The following NID1 variants were observed in gnomAD, a reference collection of about 807,000 sequenced individuals.
NID1 encodes the protein nidogen 1, also known as nidogen-1.
Under a neutral mutation model 130.6 loss-of-function variants are expected in NID1, and 76 were observed. That is an observed-to-expected ratio of 0.58 (90% CI 0.48 to 0.70). The LOEUF is 0.70. Among genes scored for constraint, NID1 ranks in the 30% least tolerant of loss-of-function variants. The pLI, the probability that NID1 is intolerant of heterozygous loss-of-function variation, is 0.00. For missense variants in NID1, 1,517 were observed against 1,664.8 expected, an observed-to-expected ratio of 0.91 and a Z score of 1.54; for synonymous variants, 665 against 675.1, an observed-to-expected ratio of 0.98 and a Z score of 0.23.
At chr1:236,021,059 C>A (rs1344226553) in intron 9 of NID1, among the ~76,000 whole-genome samples, 1 of 152,212 alleles carries the variant, frequency 6.6e-6, no homozygotes, top group Non-Finnish European at 1.5e-5. Context: ...TACTTCTGCA[C>A]CTTATTACTA....
intron 4 of NID1, among the ~76,000 whole-genome samples, chr1:236,041,283 G>T (rs1017488609): frequency 2.0e-5 from 3 of 151,026 alleles, no homozygotes; most frequent in Non-Finnish European, 4.4e-5. Context: ...GGCCAGGATG[G>T]TCTCAATCTC....
chr1:236,049,057 C>A (rs1659693357), intron 1 of NID1, 68 bp from the exon 2 acceptor site: 2 of 1,483,808 alleles, frequency 1.3e-6, no homozygotes, highest in Admixed American at 1.9e-5. Context: ...ACTGAGCACC[C>A]ACTCCTAGAA....
chr1:235,980,640 T>C lies in NID1; in HGVS notation c.3241A>G (p.Thr1081Ala). 1.2e-6 allele frequency: 2 copies of C among 1,613,804 alleles called. No individual in the cohort carries two copies. Among genetic ancestry groups the C allele is most frequent in the Non-Finnish European group, 1.7e-6 (2 of 1,179,866 alleles). ...TTGGGGTTATCTCTGTTCCAGTCTG[T>C]CCAGTAAAGGTTCCTGGAGGAGGAA... The part of the protein sequence containing the change: ...TDSVRGNLYW[T>A]DWNRDNPKIE... The change falls in exon 17 of 20, where the codon ACA (threonine) becomes GCA (alanine). Residue 1081 changes from threonine to alanine, a missense_variant. This residue lies in a region of NID1 where 7 missense variants were observed against 24.3 expected (regional missense o/e 0.29). Transcript: ENST00000264187.
intron 8 of NID1, among the ~76,000 whole-genome samples, chr1:236,024,590 T>C (rs750109562): frequency 1.3e-5 from 2 of 152,188 alleles, no homozygotes; most frequent in Non-Finnish European, 2.9e-5. Flanking sequence ...ACAGTTGCTA[T>C]AGGAGGGAGA....
At chr1:236,043,932 TA>T (rs1461936141) in intron 3 of NID1, among the ~76,000 whole-genome samples, 1 of 152,234 alleles carries the variant, frequency 6.6e-6, no homozygotes, top group Non-Finnish European at 1.5e-5. Flanking sequence ...AAAAGCATTT[TA>T]TAACTATAAA....
At position 236,045,566 on chromosome 1, in the gene NID1, C is replaced by G; in HGVS notation, c.643G>C (p.Val215Leu). 1.2e-6 allele frequency: 2 copies of G among 1,614,142 alleles called. No individual in the cohort carries two copies. Among genetic ancestry groups the G allele is most frequent in the Non-Finnish European group, 1.7e-6 (2 of 1,180,022 alleles). ...TTFSKKENNQ[V>L]PAVVAFSQGS... Reference sequence around the variant, plus strand: ...TGACTGAATGCAACCACGGCAGGAACTTGGTTGTTTTCCTTCTTTGAGAAT... The same window carrying G: ...TGACTGAATGCAACCACGGCAGGAAGTTGGTTGTTTTCCTTCTTTGAGAAT... The change falls in exon 3 of 20, where the codon GTT becomes CTT. Residue 215 changes from valine (V) to leucine (L), a missense_variant. By Grantham distance (32) the Val-to-Leu change is conservative (BLOSUM62 1). This residue lies in a region of NID1 where 1,329 missense variants were observed against 1,429.2 expected (regional missense o/e 0.93). Coordinates refer to ENST00000264187, the MANE Select transcript of NID1 (RefSeq NM_002508.3).
intron 10 of NID1, 43 bp from the exon 11 acceptor site, chr1:236,013,603 C>G: frequency 9.9e-6 from 16 of 1,612,856 alleles, no homozygotes; most frequent in Non-Finnish European, 1.4e-5. Flanking sequence ...GAAGAAAGTC[C>G]CCTGAGCAGG....
chr1:235,977,860 C>G lies in NID1; in HGVS notation c.*7G>C, dbSNP rs371740977. The G allele has an allele frequency of 9.3e-6, 15 of 1,613,602 alleles. No individual in the cohort carries two copies. The African/African-American group carries it at 2.0e-4, about 22-fold the overall frequency. On this transcript the variant is annotated 3_prime_UTR_variant, in exon 20 of 20. Coordinates refer to ENST00000264187, the MANE Select transcript of NID1 (RefSeq NM_002508.3). ...ATACTTGGAAAGGAAATAAGGCACT[C>G]TTGTCTTCATTTCTGTTCGATACAG...
Position 235,993,649 on chromosome 1 carries a change from G to A in NID1, c.2751C>T (p.Pro917=), listed in dbSNP as rs760069959. 8 of 1,545,996 alleles carry A rather than the reference G, an allele frequency of 5.2e-6. No homozygotes were observed. In the South Asian group the frequency reaches 9.5e-5, roughly 18 times the overall value. The change falls in exon 13 of 20, where the codon CCC becomes CCT. Residue 917 remains proline, a synonymous_variant. Coordinates refer to ENST00000264187, the MANE Select transcript of NID1 (RefSeq NM_002508.3). ...GCACGGCCTGCACCCACTTACACGG[G>A]GGCGTCATCCCGGGCCTGGTCCTGG... is the stretch of plus-strand genomic sequence containing the variant. ...EGTRTRPGMT[P]PCLSTVAPPI...
intron 10 of NID1, among the ~76,000 whole-genome samples, chr1:236,015,652 A>T (rs927411329): frequency 1.5e-4 from 23 of 150,426 alleles, no homozygotes; most frequent in Non-Finnish European, 3.4e-4. Flanking sequence ...TGTCTCAAAA[A>T]AAAAAAAAAA....
chr1:236,033,970 AGAAAGGAGCACAT>A (rs1336262380), intron 5 of NID1, among the ~76,000 whole-genome samples: 1 of 152,240 alleles, frequency 6.6e-6, no homozygotes. Flanking sequence ...TACAGCCAAG[AGAAAGGAGCACAT>A]GTGTCCACAC....
At chr1:236,015,601 C>T (rs1033212402) in intron 10 of NID1, among the ~76,000 whole-genome samples, 15 of 147,546 alleles carry the variant, frequency 1.0e-4, no homozygotes, top group African/African-American at 3.0e-4. Flanking sequence ...GAGCCAAGAT[C>T]GCGCCATTGC....
intron 7 of NID1, among the ~76,000 whole-genome samples, chr1:236,028,707 TGGAGAGAC>T (rs1659010725): frequency 6.6e-6 from 1 of 151,092 alleles, no homozygotes; most frequent in African/African-American, 2.4e-5. Flanking sequence ...TATATATATA[TGGAGAGAC>T]AGAGAGACAG....
rs1657287180 is a variant in NID1 at position 235,977,275 on chromosome 1, A to T, written c.*592T>A. 1 of 152,458 alleles carries T rather than the reference A, an allele frequency of 6.6e-6. No individual in the cohort carries two copies. Among genetic ancestry groups the T allele is most frequent in the Non-Finnish European group, 1.5e-5 (1 of 68,254 alleles). The allele number at this position is 152,458 out of a possible 1,614,324, so 9.4% of individuals were successfully genotyped here. On this transcript the variant is annotated 3_prime_UTR_variant, in exon 20 of 20. Coordinates refer to ENST00000264187, the MANE Select transcript of NID1 (RefSeq NM_002508.3). Reference sequence around the variant, plus strand: ...ACAGGGTAGGTTTTGATGAAAAAGCAGCGCATGAATATTATAATGGGGGTC... The same window carrying T: ...ACAGGGTAGGTTTTGATGAAAAAGCTGCGCATGAATATTATAATGGGGGTC...
chr1:236,004,338 A>G (rs1658180335), intron 12 of NID1, among the ~76,000 whole-genome samples: 1 of 152,244 alleles, frequency 6.6e-6, no homozygotes, highest in Non-Finnish European at 1.5e-5. Context: ...TGTGTGGCAG[A>G]CAGCAGAGGA....
chr1:236,033,869 T>A (rs1659169238), intron 5 of NID1, among the ~76,000 whole-genome samples: 1 of 152,062 alleles, frequency 6.6e-6, no homozygotes, highest in African/African-American at 2.4e-5. Flanking sequence ...AGGAAAAAAA[T>A]AAGAACTAAA....
At chr1:236,019,213 G>A (rs776184333) in intron 9 of NID1, among the ~76,000 whole-genome samples, 1 of 152,220 alleles carries the variant, frequency 6.6e-6, no homozygotes, top group Non-Finnish European at 1.5e-5. Flanking sequence ...CACCCAGCAC[G>A]TTTGGACTTC....
chr1:236,038,342 CAGGGACT>C (rs1384798439), intron 4 of NID1, 89 bp from the exon 5 acceptor site: 1 of 1,408,624 alleles, frequency 7.1e-7, no homozygotes, highest in African/African-American at 1.4e-5. Flanking sequence ...TCAAGCACTG[CAGGGACT>C]CACACCTGCA....
chr1:235,999,618 C>G lies in NID1; in HGVS notation c.2528-5746G>C, dbSNP rs560827928. ...TTGATACATTGATGACTCAGACAAG[C>G]GTCTTCTTACTCATCTAGTTCGAGC... On this transcript the variant is annotated intron_variant, in intron 12 of 19. Coordinates refer to ENST00000264187, the MANE Select transcript of NID1 (RefSeq NM_002508.3). Among the ~76,000 whole-genome samples the G allele has an allele frequency of 2.0e-5, 3 of 152,016 alleles. No individual in the cohort carries two copies. In the South Asian group the frequency reaches 6.2e-4, roughly 32 times the overall value.
Sources: allele counts gnomAD v4.1 joint callset (sites outside exome capture counted in the v4.1 genomes callset), GRCh38; gene constraint gnomAD v4.1.1; regional missense constraint gnomAD v4.1.1; transcripts MANE v1.5; gene names NCBI Gene and HGNC (gene_info 2026-07-23, HGNC 2026-07-21).